Variants in ITIH6 observed in about 807,000 individuals in gnomAD.
ITIH6 encodes inter-alpha-trypsin inhibitor heavy chain H6.
A neutral mutation model predicts 58.2 loss-of-function variants in ITIH6; 60 were observed. That is an observed-to-expected ratio of 1.03 (90% CI 0.84 to 1.28). The LOEUF (loss-of-function observed/expected upper bound fraction) is 1.28. Ranked by LOEUF, ITIH6 falls within the 50% of genes most tolerant of loss-of-function variation. ITIH6 has a pLI of 0.00. For synonymous variants in ITIH6, 493 were observed against 417.4 expected (o/e 1.18, Z -2.21); for missense variants, 1,290 against 1,021.1 (o/e 1.26, Z -3.59).
chrX:54,797,310 A>C (rs1466001846), intron 1 of ITIH6, among the ~76,000 whole-genome samples: 1 of 112,070 alleles, frequency 8.9e-6, no homozygotes, highest in African/African-American at 3.2e-5. Context: ...CAAGACTCAC[A>C]GAAGATTAGA....
At position 54,758,227 on chromosome X, in the gene ITIH6, G is replaced by A. The variant is rs1928549893; in HGVS notation, c.1847C>T (p.Ala616Val). 1 of 1,210,893 alleles carries A rather than the reference G, an allele frequency of 8.3e-7. No individual in the cohort carries two copies. The highest frequency in any genetic ancestry group is 1.1e-6 in the Non-Finnish European group (1 of 895,016). ...AGTCTGTCTCCTGGTCTCCTCACTG[G>A]CCTGTTTGGGTTGCACCATGACCAG... Reference protein sequence around the residue: ...TSLVMVQPKQASEETRRQTST... With the variant: ...TSLVMVQPKQVSEETRRQTST... Residue 616 changes from alanine to valine, a missense_variant, in exon 8 of 13, where the codon GCC becomes GTC. Physicochemically the swap from Ala to Val is moderately conservative, Grantham distance 64 (BLOSUM62 0). Coordinates refer to ENST00000218436, the MANE Select transcript of ITIH6 (RefSeq NM_198510.3).
In ITIH6 at chrX:54,774,080, C is replaced by A; in HGVS notation, c.903+1G>T. The A allele has an allele frequency of 8.9e-7, 1 of 1,120,700 alleles. No homozygotes were observed. Among genetic ancestry groups the A allele is most frequent in the South Asian group, 2.0e-5 (1 of 51,095 alleles). 92.4% of individuals were successfully genotyped at this position (1,120,700 alleles called of 1,213,427 possible). On this transcript the variant is annotated splice_donor_variant, in intron 6 of 12. Coordinates refer to ENST00000218436, the MANE Select transcript of ITIH6 (RefSeq NM_198510.3). LOFTEE classifies it high-confidence loss of function. ...AGAAAGGTTTCCAGGATCCTTGTTA[C>A]CTGTTCCATCTTGGTACCAAACATG...
At chrX:54,764,270 T>A (rs940735900) in intron 6 of ITIH6, among the ~76,000 whole-genome samples, 148 of 110,795 alleles carry the variant, frequency 1.3e-3, no homozygotes, top group Middle Eastern at 4.7e-3. Flanking sequence ...TTTTTTTTTT[T>A]AATTATACTT....
At chrX:54,778,738 G>C (rs190393813) in intron 5 of ITIH6, among the ~76,000 whole-genome samples, 1 of 111,182 alleles carries the variant, frequency 9.0e-6, no homozygotes, top group African/African-American at 3.3e-5. Flanking sequence ...TAATAACAGA[G>C]AACTTTCCAA....
intron 5 of ITIH6, among the ~76,000 whole-genome samples, chrX:54,781,956 T>C (rs755279940): frequency 3.6e-5 from 4 of 111,774 alleles, no homozygotes; most frequent in African/African-American, 9.7e-5. Context: ...CTGGAGGCCA[T>C]TATCCTTAGC....
chrX:54,749,163 A>G lies in ITIH6; in HGVS notation c.*732T>C, dbSNP rs1389042245. On this transcript the variant is annotated 3_prime_UTR_variant, in exon 13 of 13. Transcript: ENST00000218436. ...TATGTTATGGGATCCTTTTTTGTTA[A>G]TTAATTAATTCATTCTTTTAACAAA... is the stretch of plus-strand genomic sequence containing the variant. 1 of 110,636 alleles carries G rather than the reference A, an allele frequency of 9.0e-6. No homozygotes were observed. Among genetic ancestry groups the G allele is most frequent in the African/African-American group, 3.3e-5 (1 of 29,973 alleles). 9.1% of individuals were successfully genotyped at this position (110,636 alleles called of 1,213,427 possible). A position where few individuals can be genotyped will look rare whatever the true frequency, so the allele number is the denominator to read the frequency against.
At chrX:54,768,068 G>A (rs1449578873) in intron 6 of ITIH6, among the ~76,000 whole-genome samples, 3 of 98,273 alleles carry the variant, frequency 3.1e-5, no homozygotes, top group African/African-American at 4.4e-5. Flanking sequence ...TATGAATCTG[G>A]GTGCTCCTGT....
At chrX:54,770,967 T>C (rs749424066) in intron 6 of ITIH6, among the ~76,000 whole-genome samples, 5 of 111,859 alleles carry the variant, frequency 4.5e-5, no homozygotes, top group Non-Finnish European at 9.4e-5. Flanking sequence ...ATAATTTTGA[T>C]GTATACAGAA....
rs1928601216 is a variant in ITIH6, at chrX:54,759,937, A to G, written c.904-10T>C. 3 of 1,192,574 alleles carry G rather than the reference A, an allele frequency of 2.5e-6. No homozygotes were observed. Among genetic ancestry groups the G allele is most frequent in the Non-Finnish European group, 3.4e-6 (3 of 882,000 alleles). On this transcript the variant is annotated splice_polypyrimidine_tract_variant and intron_variant, in intron 6 of 12. Transcript: ENST00000218436. ...TCATGGCCGTTTTAGTCTGTGGGAT[A>G]TGGATGAAATGAAGAGAATGGGACA...
At chrX:54,752,369 T>A (rs1928382471) in intron 11 of ITIH6, among the ~76,000 whole-genome samples, 2 of 111,914 alleles carry the variant, frequency 1.8e-5, no homozygotes, top group African/African-American at 6.5e-5. Context: ...GGTGCAAGAA[T>A]GGTAAAATTA....
intron 6 of ITIH6, among the ~76,000 whole-genome samples, chrX:54,762,002 G>T (rs1928657070): frequency 1.8e-5 from 2 of 111,711 alleles, no homozygotes; most frequent in Non-Finnish European, 3.8e-5. Context: ...GATGGGGATG[G>T]CATTGAATCT....
At chrX:54,790,374 T>G (rs770184800) in intron 4 of ITIH6, among the ~76,000 whole-genome samples, 4 of 112,164 alleles carry the variant, frequency 3.6e-5, no homozygotes, top group East Asian at 2.8e-4. Flanking sequence ...TGAAGCAAAC[T>G]TCTGAGGCAG....
At chrX:54,781,014 G>A (rs771387143) in intron 5 of ITIH6, among the ~76,000 whole-genome samples, 1 of 111,593 alleles carries the variant, frequency 9.0e-6, no homozygotes. Flanking sequence ...TTCAGTAAAT[G>A]GTGGTGGGAT....
intron 2 of ITIH6, among the ~76,000 whole-genome samples, chrX:54,793,080 T>C (rs554242307): frequency 5.0e-4 from 56 of 111,625 alleles, no homozygotes; most frequent in African/African-American, 1.5e-3. Context: ...CTCCCAAATA[T>C]GTATCTCCAG....
At position 54,758,355 on chromosome X, in the gene ITIH6, C is replaced by A. The variant is rs759260922; in HGVS notation, c.1719G>T (p.Leu573=). The part of the protein sequence containing the change: ...LWAYVTIGEL[L]DAHFQARDTT... ...TGTCACGAGCTTGGAAGTGTGCATC[C>A]AGCAGTTCTCCAATGGTGACATAGG... Residue 573 remains leucine (L), a synonymous_variant, in exon 8 of 13, where the codon CTG becomes CTT. Coordinates refer to ENST00000218436, the MANE Select transcript of ITIH6 (RefSeq NM_198510.3). The A allele has an allele frequency of 3.3e-6, 4 of 1,210,437 alleles. No homozygotes were observed. In the East Asian group the frequency reaches 8.9e-5, roughly 27 times the overall value.
At chrX:54,765,971 A>G (rs1452090085) in intron 6 of ITIH6, among the ~76,000 whole-genome samples, 1 of 111,320 alleles carries the variant, frequency 9.0e-6, no homozygotes, top group Non-Finnish European at 1.9e-5. Context: ...GAATCTGTAA[A>G]TTACCTTAGG....
rs778213809 is a variant in ITIH6, at chrX:54,758,126, G to T, written c.1948C>A (p.Pro650Thr). 1.7e-6 allele frequency: 2 copies of T among 1,211,637 alleles called. No individual in the cohort carries two copies. Among genetic ancestry groups the T allele is most frequent in the South Asian group, 3.5e-5 (2 of 56,978 alleles). Residue 650 changes from proline to threonine, a missense_variant, in exon 8 of 13, where the codon CCA becomes ACA. By Grantham distance (38) the Pro-to-Thr change is conservative. Coordinates refer to ENST00000218436, the MANE Select transcript of ITIH6 (RefSeq NM_198510.3). ...RHGLGVSTAQ[P>T]ALVPKVISPK... ...GAGATGACCTTGGGCACCAAGGCTG[G>T]CTGAGCTGTGCTTACCCCTAGGCCA...
chrX:54,788,565 T>C lies in ITIH6; in HGVS notation c.701A>G (p.Gln234Arg). 8.3e-7 allele frequency: 1 copy of C among 1,209,645 alleles called. No homozygotes were observed. Among genetic ancestry groups the C allele is most frequent in the Non-Finnish European group, 1.1e-6 (1 of 893,926 alleles). The change falls in exon 5 of 13, where the codon CAG becomes CGG. Residue 234 changes from glutamine to arginine, a missense_variant. By Grantham distance (43) the Gln-to-Arg change is conservative (BLOSUM62 1). Coordinates refer to ENST00000218436, the MANE Select transcript of ITIH6 (RefSeq NM_198510.3). ...GATGCCTGACCCAGAGATGGACGAC[T>C]GGTCTTGCAATGTCGGGCAGTAGGT... The part of the protein sequence containing the change: ...RITYCPTLQD[Q>R]SSISGSGIMA...
intron 6 of ITIH6, among the ~76,000 whole-genome samples, 200 bp from the exon 7 acceptor site, chrX:54,760,127 G>A (rs1928604859): frequency 9.0e-6 from 1 of 111,607 alleles, no homozygotes; most frequent in Non-Finnish European, 1.9e-5. Context: ...GTTTAATATG[G>A]GAACTAATAG....
Sources: gnomAD v4.1 joint callset for allele counts (sites outside exome capture counted in the v4.1 genomes callset) on GRCh38, gnomAD v4.1.1 for gene constraint, MANE v1.5 for transcripts, NCBI Gene and HGNC (gene_info 2026-07-23, HGNC 2026-07-21) for gene names.